SPICE1: variants seen among roughly 807,000 people sequenced by gnomAD.
The protein encoded by SPICE1 is spindle and centriole-associated protein 1.
A neutral mutation model predicts 102.7 loss-of-function variants in SPICE1; 75 were observed. The ratio of observed to expected loss-of-function variants is 0.73; its 90% CI spans 0.61 to 0.88. The LOEUF (loss-of-function observed/expected upper bound fraction) is 0.88, where lower values mean the gene tolerates loss of function less well. Among genes scored for constraint, SPICE1 ranks in the 40% least tolerant of loss-of-function variants. SPICE1 has a pLI of 0.00. For missense variants in SPICE1, 979 were observed against 1,020.1 expected, an observed-to-expected ratio of 0.96 and a Z score of 0.55; for synonymous variants, 308 against 350.3, an observed-to-expected ratio of 0.88 and a Z score of 1.35.
chr3:113,453,729 G>C lies in SPICE1; in HGVS notation c.1879C>G (p.Pro627Ala). ...TQAPFVNLSQPLCNSHSNTQQ... is the reference protein window; with the variant it reads ...TQAPFVNLSQALCNSHSNTQQ... Reference sequence around the variant, plus strand: ...GTGTTGGAATGGGAATTGCAGAGGGGCTGTGAGAGGTTAACAAAAGGAGCC... The same window carrying C: ...GTGTTGGAATGGGAATTGCAGAGGGCCTGTGAGAGGTTAACAAAAGGAGCC... Residue 627 changes from proline (P) to alanine (A), a missense_variant, in exon 14 of 18, where the codon CCC becomes GCC. Transcript: ENST00000295872. 6.2e-7 allele frequency: 1 copy of C among 1,614,140 alleles called. No individual in the cohort carries two copies. Among genetic ancestry groups the C allele is most frequent in the African/African-American group, 1.3e-5 (1 of 75,016 alleles).
chr3:113,445,264 G>C lies in SPICE1; in HGVS notation c.*43C>G. 6 of 1,527,914 alleles carry C rather than the reference G, an allele frequency of 3.9e-6. No individual in the cohort carries two copies. The highest frequency in any genetic ancestry group is 5.4e-6 in the Non-Finnish European group (6 of 1,110,394). The allele number at this position is 1,527,914 out of a possible 1,614,324, so 94.6% of individuals were successfully genotyped here. ...TAAAAGTCAGAGCAGGGAAAGGGAAGTAATAAATTATTAAGAACAAACTCA... is the reference window on the plus strand; with the variant it reads ...TAAAAGTCAGAGCAGGGAAAGGGAACTAATAAATTATTAAGAACAAACTCA... On this transcript the variant is annotated 3_prime_UTR_variant, in exon 18 of 18. Coordinates refer to ENST00000295872, the MANE Select transcript of SPICE1 (RefSeq NM_144718.4).
At chr3:113,506,838 T>C (rs1937123097) in intron 1 of SPICE1, among the ~76,000 whole-genome samples, 1 of 152,182 alleles carries the variant, frequency 6.6e-6, no homozygotes. Flanking sequence ...CTTATATATT[T>C]GATTAAAAAA....
chr3:113,502,844 A>G (rs1039297391), intron 3 of SPICE1, among the ~76,000 whole-genome samples: 7 of 152,154 alleles, frequency 4.6e-5, no homozygotes, highest in Non-Finnish European at 1.5e-5. Context: ...GACTAGAACA[A>G]TATGTTTGTA....
chr3:113,452,933 A>G (rs1223907411), intron 14 of SPICE1, among the ~76,000 whole-genome samples: 1 of 152,064 alleles, frequency 6.6e-6, no homozygotes, highest in African/African-American at 2.4e-5. Context: ...AGCCGAGATC[A>G]TGCCACTGCA....
At chr3:113,481,486 T>C (rs1317632127) in intron 7 of SPICE1, among the ~76,000 whole-genome samples, 1 of 152,028 alleles carries the variant, frequency 6.6e-6, no homozygotes, top group Non-Finnish European at 1.5e-5. Context: ...TACATAGGTA[T>C]ACACGTCCCA....
At chr3:113,476,066 T>C (rs1559966242) in intron 7 of SPICE1, among the ~76,000 whole-genome samples, 1 of 152,164 alleles carries the variant, frequency 6.6e-6, no homozygotes, top group African/African-American at 2.4e-5. Flanking sequence ...CTCCTTAAGC[T>C]GATAAGCAAC....
At chr3:113,488,923 T>C in intron 7 of SPICE1, 22 bp downstream of exon 7, 1 of 1,446,230 alleles carries the variant, frequency 6.9e-7, no homozygotes, top group Non-Finnish European at 9.7e-7. Context: ...GAGTTGTAAA[T>C]ATTTATGCCA....
rs746469137 is a variant in SPICE1, at chr3:113,450,527, A to G, written c.2143-11T>C. 1.4e-5 allele frequency: 19 copies of G among 1,363,734 alleles called. No individual in the cohort carries two copies. The highest frequency in any genetic ancestry group is 4.3e-5 in the South Asian group (3 of 70,072). 84.5% of individuals were successfully genotyped at this position (1,363,734 alleles called of 1,614,324 possible). ...TGCTACTGGAAAAGTCTTTGGGAGA[A>G]AAAAAAAAAAAGTACAAATTGAATA... On this transcript the variant is annotated splice_polypyrimidine_tract_variant and intron_variant, in intron 14 of 17. Transcript: ENST00000295872.
intron 2 of SPICE1, 139 bp from the exon 3 acceptor site, chr3:113,503,366 C>A: frequency 1.3e-6 from 1 of 743,640 alleles, no homozygotes; most frequent in Non-Finnish European, 2.1e-6. Flanking sequence ...CCAGTATTCT[C>A]AATTTAGATA....
intron 7 of SPICE1, among the ~76,000 whole-genome samples, chr3:113,475,869 TGGCACAAGACAGGGATGCCCTC>T (rs1936332168): frequency 6.6e-6 from 1 of 150,682 alleles, no homozygotes; most frequent in Admixed American, 6.6e-5. Context: ...CTTTGAAAAC[TGGCACAAGACAGGGATGCCCTC>T]TCTCACTACT....
rs1028829158 is a variant in SPICE1, at chr3:113,467,580, C to T, written c.1155+559G>A. On this transcript the variant is annotated intron_variant, in intron 10 of 17. Transcript: ENST00000295872. ...AAGGGCTGGGATTATAGGTTATAGGCGTGAGCCACCACACCCAGCCAAACA... is the reference window on the plus strand; with the variant it reads ...AAGGGCTGGGATTATAGGTTATAGGTGTGAGCCACCACACCCAGCCAAACA... 4.6e-5 allele frequency among the ~76,000 whole-genome samples: 7 copies of T among 152,198 alleles called. No homozygotes were observed. The South Asian group carries it at 6.2e-4, about 14-fold the overall frequency.
At chr3:113,481,605 C>T (rs1287626845) in intron 7 of SPICE1, among the ~76,000 whole-genome samples, 6 of 150,272 alleles carry the variant, frequency 4.0e-5, no homozygotes, top group African/African-American at 1.2e-4. Context: ...GTGTGATGTT[C>T]CCCTCCCTGT....
chr3:113,472,103 C>T (rs921294428), intron 7 of SPICE1, among the ~76,000 whole-genome samples: 6 of 152,208 alleles, frequency 3.9e-5, no homozygotes, highest in Non-Finnish European at 7.3e-5. Context: ...TGCACTTTTC[C>T]GACGGGCTTA....
rs776696768 is a variant in SPICE1 at position 113,469,104 on chromosome 3, T to C, written c.746A>G (p.Gln249Arg). 24 of 1,612,228 alleles carry C rather than the reference T, an allele frequency of 1.5e-5. No individual in the cohort carries two copies. Among genetic ancestry groups the C allele is most frequent in the Non-Finnish European group, 2.0e-5 (24 of 1,179,420 alleles). Residue 249 changes from glutamine to arginine, a missense_variant, in exon 8 of 18, where the codon CAA becomes CGA. Transcript: ENST00000295872. ...TPSSALSSGE[Q>R]RAALNATNAV... ...AATGCAAAAGGGAAACAAACCTCTT[T>C]GCTCCCCTGATGAAAGAGCAGATGA...
chr3:113,469,364 T>C (rs1936141117), intron 7 of SPICE1, 126 bp from the exon 8 acceptor site: 1 of 210,756 alleles, frequency 4.7e-6, no homozygotes, highest in Admixed American at 6.6e-5. Flanking sequence ...TAATTTATAT[T>C]TATATAATTA....
At chr3:113,466,292 A>C (rs1217515599) in intron 10 of SPICE1, among the ~76,000 whole-genome samples, 1 of 152,218 alleles carries the variant, frequency 6.6e-6, no homozygotes, top group Admixed American at 6.5e-5. Flanking sequence ...TTAACTTTGT[A>C]AAACAAGTGA....
intron 2 of SPICE1, 140 bp downstream of exon 2, chr3:113,506,365 AAT>A (rs1419287845): frequency 1.5e-5 from 10 of 646,332 alleles, no homozygotes; most frequent in Non-Finnish European, 2.6e-5. Context: ...CAAGACCTAG[AAT>A]ATCACATGCC....
intron 10 of SPICE1, among the ~76,000 whole-genome samples, chr3:113,466,750 A>G (rs1936067013): frequency 6.6e-6 from 1 of 152,260 alleles, no homozygotes; most frequent in Admixed American, 6.5e-5. Flanking sequence ...CTGTCATTAA[A>G]AAGTTAATTT....
At chr3:113,473,352 A>C (rs1252242675) in intron 7 of SPICE1, among the ~76,000 whole-genome samples, 13 of 152,212 alleles carry the variant, frequency 8.5e-5, no homozygotes, top group Admixed American at 2.0e-4. Context: ...ACCAAGTTGG[A>C]AAACACTCTG....
Sources: allele counts gnomAD v4.1 joint callset (sites outside exome capture counted in the v4.1 genomes callset), GRCh38; gene constraint gnomAD v4.1.1; transcripts MANE v1.5; gene names NCBI Gene and HGNC (gene_info 2026-07-23, HGNC 2026-07-21).